Variants in TAFA2 observed in about 807,000 individuals in gnomAD.
The protein encoded by TAFA2 is chemokine-like protein TAFA-2.
In TAFA2, 7 loss-of-function variants were observed where a neutral mutation model predicts 18.8. The ratio of observed to expected loss-of-function variants is 0.37; its 90% CI spans 0.21 to 0.70. The LOEUF is 0.70. TAFA2 is among the 30% of genes least tolerant of loss of function. TAFA2 has a pLI of 0.53. For synonymous variants in TAFA2, 60 were observed against 54.2 expected (o/e 1.11, Z -0.47); for missense variants, 122 against 158.1 (o/e 0.77, Z 1.23).
intron 4 of TAFA2, among the ~76,000 whole-genome samples, chr12:61,710,845 GC>G (rs1346420793): frequency 2.6e-5 from 4 of 152,000 alleles, no homozygotes; most frequent in African/African-American, 7.2e-5. Flanking sequence ...TTCTCAAAAA[GC>G]CCTTGGGGAT....
intron 1 of TAFA2, among the ~76,000 whole-genome samples, chr12:61,913,553 C>T (rs1039572675): frequency 1.3e-5 from 2 of 152,152 alleles, no homozygotes; most frequent in African/African-American, 4.8e-5. Context: ...GGGTCATGTT[C>T]CTCTCTATTT....
chr12:62,176,049 A>C (rs1285094147), intron 1 of TAFA2, among the ~76,000 whole-genome samples: 1 of 152,144 alleles, frequency 6.6e-6, no homozygotes, highest in East Asian at 1.9e-4. Context: ...ACATCCATAA[A>C]CTTCAAGAAT....
intron 2 of TAFA2, among the ~76,000 whole-genome samples, chr12:61,783,847 T>C (rs980964586): frequency 2.0e-5 from 3 of 151,634 alleles, no homozygotes; most frequent in African/African-American, 7.2e-5. Flanking sequence ...ATAAGCAGCA[T>C]GCTCTTCAAA....
intron 2 of TAFA2, among the ~76,000 whole-genome samples, chr12:61,866,323 T>C (rs1475967195): frequency 1.3e-5 from 2 of 152,206 alleles, no homozygotes; most frequent in Non-Finnish European, 2.9e-5. Context: ...CTGGTGTTAA[T>C]GTTCCATGTA....
intron 2 of TAFA2, among the ~76,000 whole-genome samples, chr12:61,795,824 T>C (rs1329706859): frequency 1.3e-5 from 2 of 151,658 alleles, no homozygotes; most frequent in Non-Finnish European, 2.9e-5. Context: ...AGAGCTAGAA[T>C]AATCAAGACT....
intron 2 of TAFA2, among the ~76,000 whole-genome samples, chr12:61,849,095 C>T (rs1873531971): frequency 6.6e-6 from 1 of 152,124 alleles, no homozygotes; most frequent in Non-Finnish European, 1.5e-5. Context: ...CCACCCTCCT[C>T]GGCCTTCCAG....
intron 2 of TAFA2, among the ~76,000 whole-genome samples, chr12:61,822,915 T>C (rs929336339): frequency 1.3e-5 from 2 of 152,186 alleles, no homozygotes; most frequent in African/African-American, 4.8e-5. Flanking sequence ...GAGTCAAGCC[T>C]CTAGCCAAGG....
intron 1 of TAFA2, among the ~76,000 whole-genome samples, chr12:62,005,828 C>G (rs1880528606): frequency 6.6e-6 from 1 of 152,038 alleles, no homozygotes; most frequent in Non-Finnish European, 1.5e-5. Context: ...GTAAGTGATG[C>G]AACTCAAGTT....
chr12:61,811,723 C>T (rs531681954), intron 2 of TAFA2, among the ~76,000 whole-genome samples: 1 of 151,406 alleles, frequency 6.6e-6, no homozygotes, highest in African/African-American at 2.5e-5. Flanking sequence ...TTGGCCCTGC[C>T]TGAATGGGTA....
At chr12:61,792,500 G>T (rs1871022662) in intron 2 of TAFA2, among the ~76,000 whole-genome samples, 1 of 151,248 alleles carries the variant, frequency 6.6e-6, no homozygotes, top group African/African-American at 2.4e-5. Flanking sequence ...ACATATCATT[G>T]TGCCCCATAA....
At chr12:62,017,379 A>C (rs1880973336) in intron 1 of TAFA2, among the ~76,000 whole-genome samples, 1 of 152,196 alleles carries the variant, frequency 6.6e-6, no homozygotes, top group Admixed American at 6.5e-5. Context: ...AATAGTCTGA[A>C]CTATTTGTAA....
chr12:61,907,379 G>A (rs1260657559), intron 1 of TAFA2, among the ~76,000 whole-genome samples: 3 of 152,184 alleles, frequency 2.0e-5, no homozygotes, highest in African/African-American at 7.2e-5. Context: ...TACAGCTCAG[G>A]CCATTGCTTC....
intron 2 of TAFA2, among the ~76,000 whole-genome samples, chr12:61,800,701 C>A (rs1009505109): frequency 1.3e-5 from 2 of 152,004 alleles, no homozygotes; most frequent in Non-Finnish European, 2.9e-5. Context: ...ATACCAGGTA[C>A]AGAAATAAAT....
At chr12:61,829,251 G>T (rs1033751457) in intron 2 of TAFA2, among the ~76,000 whole-genome samples, 2 of 151,612 alleles carry the variant, frequency 1.3e-5, no homozygotes, top group Admixed American at 6.6e-5. Context: ...CTGCTTTTAG[G>T]TTTGAGTGTT....
intron 4 of TAFA2, among the ~76,000 whole-genome samples, chr12:61,744,318 G>T (rs770913608): frequency 6.6e-6 from 1 of 152,036 alleles, no homozygotes; most frequent in Non-Finnish European, 1.5e-5. Flanking sequence ...ATTAACACCT[G>T]GCTCAAATAT....
At chr12:62,154,853 T>G (rs1331763004) in intron 1 of TAFA2, among the ~76,000 whole-genome samples, 1 of 152,082 alleles carries the variant, frequency 6.6e-6, no homozygotes, top group Non-Finnish European at 1.5e-5. Flanking sequence ...TAAAAACATA[T>G]GTGATTCACA....
rs9668972 is a variant in TAFA2 at position 62,063,168 on chromosome 12, C to T, written c.-2+128091G>A. Among the ~76,000 whole-genome samples, 1,162 of 152,206 alleles carry T rather than the reference C, an allele frequency of 7.6e-3. 18 individuals are homozygous for T. The highest frequency in any genetic ancestry group is 0.027 in the African/African-American group (1,125 of 41,528). On this transcript the variant is annotated intron_variant, in intron 1 of 4. Coordinates refer to ENST00000416284, the MANE Select transcript of TAFA2 (RefSeq NM_178539.5). ...TTGGGGGGACCGTTATTCCGCCTGC[C>T]ACACAGCCCTAGTGACTTGACTCTA...
chr12:61,987,387 T>A (rs756823150), intron 1 of TAFA2, among the ~76,000 whole-genome samples: 1 of 152,184 alleles, frequency 6.6e-6, no homozygotes, highest in Non-Finnish European at 1.5e-5. Context: ...GACAAAGAAA[T>A]AAACAGTTCT....
chr12:61,779,867 G>A (rs1870429662), intron 2 of TAFA2, among the ~76,000 whole-genome samples: 1 of 151,664 alleles, frequency 6.6e-6, no homozygotes. Context: ...CTTCTTACTG[G>A]ATCTGTTCTT....
Sources: allele counts gnomAD v4.1 joint callset (sites outside exome capture counted in the v4.1 genomes callset), GRCh38; gene constraint gnomAD v4.1.1; transcripts MANE v1.5; gene names NCBI Gene and HGNC (gene_info 2026-07-23, HGNC 2026-07-21).